Variants in MAPKAP1 observed in about 807,000 individuals in gnomAD.
MAPKAP1 encodes MAPK associated protein 1.
A neutral mutation model predicts 65.7 loss-of-function variants in MAPKAP1; 20 were observed. That is an observed-to-expected ratio of 0.30 (90% CI 0.21 to 0.44). The LOEUF is 0.44. Among genes scored for constraint, MAPKAP1 ranks in the 20% least tolerant of loss-of-function variants. The pLI, the probability that MAPKAP1 is intolerant of heterozygous loss-of-function variation, is 1.00. For synonymous variants in MAPKAP1, 222 were observed against 244.3 expected, an observed-to-expected ratio of 0.91 and a Z score of 0.85; for missense variants, 423 against 648.0, an observed-to-expected ratio of 0.65 and a Z score of 3.77.
chr9:125,667,914 T>C (rs1834387846), intron 3 of MAPKAP1, among the ~76,000 whole-genome samples: 1 of 152,176 alleles, frequency 6.6e-6, no homozygotes, highest in African/African-American at 2.4e-5. Flanking sequence ...CAGTTTGTAT[T>C]AAATACAACA....
intron 11 of MAPKAP1, among the ~76,000 whole-genome samples, chr9:125,443,708 C>T (rs1369047266): frequency 2.7e-5 from 4 of 147,426 alleles, no homozygotes; most frequent in African/African-American, 1.0e-4. Context: ...TCCCCCAGCC[C>T]CCCCAGCCCC....
chr9:125,628,891 C>T (rs13285919), intron 4 of MAPKAP1, among the ~76,000 whole-genome samples: 14 of 134,670 alleles, frequency 1.0e-4, no homozygotes, highest in African/African-American at 3.0e-4. Context: ...ACAACAAGAA[C>T]AACAACAACA....
At chr9:125,568,826 G>T in intron 5 of MAPKAP1, 1 of 168,440 alleles carries the variant, frequency 5.9e-6, no homozygotes, top group South Asian at 1.6e-4. Context: ...AGGGAATCCA[G>T]AAGCCTGGCA....
intron 7 of MAPKAP1, among the ~76,000 whole-genome samples, chr9:125,522,113 G>A (rs1035742123): frequency 6.6e-6 from 1 of 152,204 alleles, no homozygotes; most frequent in African/African-American, 2.4e-5. Flanking sequence ...CTGGTGGAAG[G>A]GGCTCTAGCC....
chr9:125,666,270 AG>A (rs1834337521), intron 3 of MAPKAP1, among the ~76,000 whole-genome samples: 1 of 152,186 alleles, frequency 6.6e-6, no homozygotes, highest in African/African-American at 2.4e-5. Context: ...AAGTTCATAA[AG>A]AACTGAGGTA....
intron 7 of MAPKAP1, among the ~76,000 whole-genome samples, chr9:125,537,368 A>T: frequency 6.6e-6 from 1 of 152,226 alleles, no homozygotes; most frequent in East Asian, 1.9e-4. Context: ...TACAGATTAA[A>T]TGAGGTAATA....
chr9:125,610,557 C>T (rs536132151), intron 4 of MAPKAP1, among the ~76,000 whole-genome samples: 3 of 152,064 alleles, frequency 2.0e-5, no homozygotes, highest in African/African-American at 4.8e-5. Flanking sequence ...ATAATAAGAC[C>T]GTGATACCCT....
At chr9:125,462,358 CAAG>C (rs1253631631) in intron 10 of MAPKAP1, among the ~76,000 whole-genome samples, 24 of 152,196 alleles carry the variant, frequency 1.6e-4, no homozygotes, top group Non-Finnish European at 2.5e-4. Context: ...GCTCTACAAA[CAAG>C]TAACAAAATC....
chr9:125,479,601 G>C (rs540935861), intron 9 of MAPKAP1, among the ~76,000 whole-genome samples: 1 of 151,518 alleles, frequency 6.6e-6, no homozygotes, highest in Admixed American at 6.6e-5. Flanking sequence ...AAAAAAGTCT[G>C]GTGGAAAATC....
At chr9:125,662,718 TAAAGA>T (rs997603431) in intron 3 of MAPKAP1, among the ~76,000 whole-genome samples, 1 of 152,080 alleles carries the variant, frequency 6.6e-6, no homozygotes, top group African/African-American at 2.4e-5. Flanking sequence ...TTTTTCTTTA[TAAAGA>T]AATTATTTTA....
At chr9:125,505,941 T>G in intron 8 of MAPKAP1, 1 of 246,406 alleles carries the variant, frequency 4.1e-6, no homozygotes, top group Non-Finnish European at 8.0e-6. Context: ...TGGTTAAAAT[T>G]TTCTAAAACC....
chr9:125,693,538 CACAT>C, intron 1 of MAPKAP1, among the ~76,000 whole-genome samples: 1 of 95,864 alleles, frequency 1.0e-5, no homozygotes, highest in East Asian at 3.6e-4. Flanking sequence ...CATATACACA[CACAT>C]ATATACATAT....
chr9:125,522,241 C>CT (rs1414953581), intron 7 of MAPKAP1, among the ~76,000 whole-genome samples: 1 of 152,212 alleles, frequency 6.6e-6, no homozygotes, highest in African/African-American at 2.4e-5. Context: ...ACTCTAAGCT[C>CT]TTTTTTGCTT....
intron 3 of MAPKAP1, 118 bp from the exon 4 acceptor site, chr9:125,657,917 C>T (rs979591872): frequency 3.0e-5 from 28 of 929,776 alleles, no homozygotes; most frequent in Non-Finnish European, 4.3e-5. Context: ...ATGTTCAGGT[C>T]GGATACATGC....
chr9:125,566,567 AGAAAAAG>A (rs1426908118), intron 5 of MAPKAP1, among the ~76,000 whole-genome samples: 2 of 828 alleles, frequency 2.4e-3, no homozygotes, highest in Non-Finnish European at 0.053. Context: ...GTCTTGAAAA[AGAAAAAG>A]AAAAAGAAAA....
At chr9:125,620,232 C>G (rs1832857040) in intron 4 of MAPKAP1, among the ~76,000 whole-genome samples, 1 of 152,144 alleles carries the variant, frequency 6.6e-6, no homozygotes, top group Non-Finnish European at 1.5e-5. Context: ...TCACTTGAAC[C>G]CAGGAGGTGG....
chr9:125,659,038 A>G (rs1221259791), intron 3 of MAPKAP1, among the ~76,000 whole-genome samples: 1 of 152,184 alleles, frequency 6.6e-6, no homozygotes, highest in Non-Finnish European at 1.5e-5. Context: ...TCACTGGAGC[A>G]CAGGAGTTCG....
At chr9:125,687,949 G>A (rs1835033745) in intron 1 of MAPKAP1, among the ~76,000 whole-genome samples, 1 of 152,106 alleles carries the variant, frequency 6.6e-6, no homozygotes. Flanking sequence ...ACAAAAGACA[G>A]CAACAACATA....
chr9:125,669,952 A>C (rs775894435), intron 2 of MAPKAP1, 45 bp from the exon 3 acceptor site: 8 of 1,153,630 alleles, frequency 6.9e-6, no homozygotes, highest in Non-Finnish European at 8.8e-6. Flanking sequence ...ATGAAAGTTT[A>C]CCATAAACAA....
Sources: gnomAD v4.1 joint callset for allele counts (sites outside exome capture counted in the v4.1 genomes callset) on GRCh38, gnomAD v4.1.1 for gene constraint, MANE v1.5 for transcripts, NCBI Gene and HGNC (gene_info 2026-07-23, HGNC 2026-07-21) for gene names.